Variants in IMMP2L observed in about 807,000 individuals in gnomAD.
The protein encoded by IMMP2L is mitochondrial inner membrane protease subunit 2.
In IMMP2L, 18 loss-of-function variants were observed where a neutral mutation model predicts 19.3. The ratio of observed to expected loss-of-function variants is 0.93; its 90% CI spans 0.64 to 1.38. IMMP2L has a LOEUF of 1.38. Ranked by LOEUF, IMMP2L falls within the 40% of genes most tolerant of loss-of-function variation. IMMP2L has a pLI of 0.00. For missense variants in IMMP2L, 233 were observed against 218.2 expected, an observed-to-expected ratio of 1.07 and a Z score of -0.43; for synonymous variants, 76 against 73.0, an observed-to-expected ratio of 1.04 and a Z score of -0.21.
intron 3 of IMMP2L, among the ~76,000 whole-genome samples, chr7:111,316,722 C>CA (rs1243981022): frequency 6.0e-5 from 9 of 150,786 alleles, no homozygotes; most frequent in Non-Finnish European, 1.2e-4. Context: ...TTATATGCTT[C>CA]AGTAAAAAAA....
chr7:111,114,740 AAAAAAAAAAAAAAGAAAG>A (rs1358769182), intron 3 of IMMP2L, among the ~76,000 whole-genome samples: 1 of 147,966 alleles, frequency 6.8e-6, no homozygotes, highest in Non-Finnish European at 1.5e-5. Context: ...CTCCATCTCA[AAAAAAAAAAAAAAGAAAG>A]AAAGAAAAAA....
chr7:111,280,998 A>C (rs1819637088), intron 3 of IMMP2L, among the ~76,000 whole-genome samples: 1 of 151,782 alleles, frequency 6.6e-6, no homozygotes. Context: ...TGAACCCAGT[A>C]GGCAGAGCTT....
At chr7:111,024,719 C>T (rs148556294) in intron 3 of IMMP2L, among the ~76,000 whole-genome samples, 1 of 152,222 alleles carries the variant, frequency 6.6e-6, no homozygotes, top group African/African-American at 2.4e-5. Flanking sequence ...CATCTAGAAG[C>T]CCCTTTACTC....
chr7:110,666,164 C>T (rs10238580), intron 5 of IMMP2L, among the ~76,000 whole-genome samples: 4,962 of 152,186 alleles, frequency 0.033, 176 homozygotes, highest in African/African-American at 0.083. Flanking sequence ...AGTATTTTAG[C>T]GCTACCTTAC....
intron 2 of IMMP2L, among the ~76,000 whole-genome samples, chr7:111,512,322 G>C (rs1271066894): frequency 6.6e-6 from 1 of 152,052 alleles, no homozygotes. Flanking sequence ...TTCAGAAAAG[G>C]CAAATCTATA....
chr7:111,131,012 AT>A (rs2129593787), intron 3 of IMMP2L, among the ~76,000 whole-genome samples: 1 of 152,110 alleles, frequency 6.6e-6, no homozygotes, highest in East Asian at 1.9e-4. Context: ...TTTTTTCAAG[AT>A]TTTAAAAAAA....
intron 3 of IMMP2L, among the ~76,000 whole-genome samples, chr7:111,465,814 C>G (rs1215625778): frequency 4.0e-5 from 6 of 151,264 alleles, no homozygotes; most frequent in African/African-American, 4.9e-5. Context: ...ACCCAGCAAT[C>G]CCATTACTGG....
chr7:111,012,689 T>C (rs933780896), intron 3 of IMMP2L, among the ~76,000 whole-genome samples: 1 of 152,136 alleles, frequency 6.6e-6, no homozygotes, highest in Non-Finnish European at 1.5e-5. Context: ...TAAGTTAGGG[T>C]GGACACATGT....
At chr7:111,473,746 T>C (rs1841474137) in intron 3 of IMMP2L, among the ~76,000 whole-genome samples, 1 of 152,208 alleles carries the variant, frequency 6.6e-6, no homozygotes, top group Non-Finnish European at 1.5e-5. Flanking sequence ...TCAGCCACTA[T>C]GGAAAGAAGT....
At chr7:111,103,807 A>G (rs2129580788) in intron 3 of IMMP2L, among the ~76,000 whole-genome samples, 1 of 151,752 alleles carries the variant, frequency 6.6e-6, no homozygotes, top group Non-Finnish European at 1.5e-5. Flanking sequence ...TCAAGTAGGT[A>G]CCATTATCAC....
intron 3 of IMMP2L, among the ~76,000 whole-genome samples, chr7:111,428,838 C>T (rs558284138): frequency 2.0e-5 from 3 of 151,814 alleles, no homozygotes; most frequent in Non-Finnish European, 2.9e-5. Context: ...CCATAGTTGC[C>T]GTGAATCATT....
intron 3 of IMMP2L, among the ~76,000 whole-genome samples, chr7:111,022,213 G>T (rs1296222882): frequency 6.6e-6 from 1 of 152,088 alleles, no homozygotes; most frequent in Non-Finnish European, 1.5e-5. Context: ...CCTAAGTATG[G>T]GGGAGTCATG....
intron 3 of IMMP2L, among the ~76,000 whole-genome samples, chr7:111,063,237 G>A (rs1034990312): frequency 5.9e-5 from 9 of 152,196 alleles, no homozygotes; most frequent in African/African-American, 1.9e-4. Context: ...AGCTGCCAAG[G>A]TTTGGTGCTT....
intron 3 of IMMP2L, among the ~76,000 whole-genome samples, chr7:111,074,230 G>A (rs2129575680): frequency 6.6e-6 from 1 of 152,290 alleles, no homozygotes; most frequent in Admixed American, 6.5e-5. Flanking sequence ...GCAAAAATAA[G>A]AAACCTAGTT....
intron 3 of IMMP2L, among the ~76,000 whole-genome samples, chr7:111,302,472 A>G (rs563896234): frequency 1.3e-5 from 2 of 152,266 alleles, no homozygotes; most frequent in South Asian, 2.1e-4. Context: ...ACATCTATAC[A>G]TAGCACTTGT....
intron 3 of IMMP2L, among the ~76,000 whole-genome samples, chr7:111,385,795 T>C (rs1321745212): frequency 1.3e-5 from 2 of 152,166 alleles, no homozygotes; most frequent in Non-Finnish European, 2.9e-5. Context: ...GCATAATTTA[T>C]CTTTTCCAAT....
At chr7:111,145,702 C>G (rs552303370) in intron 3 of IMMP2L, among the ~76,000 whole-genome samples, 1 of 152,084 alleles carries the variant, frequency 6.6e-6, no homozygotes, top group Admixed American at 6.6e-5. Flanking sequence ...CTGGTGGTTG[C>G]AAAGACTTAA....
intron 3 of IMMP2L, among the ~76,000 whole-genome samples, chr7:111,164,105 G>A (rs1278878134): frequency 6.7e-6 from 1 of 150,146 alleles, no homozygotes; most frequent in Admixed American, 6.7e-5. Context: ...GAGAGGGGGA[G>A]GGAGAAGGGG....
chr7:110,680,057 A>C (rs960927014), intron 5 of IMMP2L, among the ~76,000 whole-genome samples: 5 of 152,186 alleles, frequency 3.3e-5, no homozygotes, highest in Non-Finnish European at 7.3e-5. Context: ...TTTCCCCAAA[A>C]AAGGCAGAAA....
Sources: gnomAD v4.1 joint callset for allele counts (sites outside exome capture counted in the v4.1 genomes callset) on GRCh38, gnomAD v4.1.1 for gene constraint, MANE v1.5 for transcripts, NCBI Gene and HGNC (gene_info 2026-07-23, HGNC 2026-07-21) for gene names.